Variants in GSTCD observed in about 807,000 individuals in gnomAD.
GSTCD encodes glutathione S-transferase C-terminal domain containing.
Under a neutral mutation model 68.3 loss-of-function variants are expected in GSTCD, and 44 were observed. The observed-to-expected ratio is 0.64, with a 90% CI of 0.51 to 0.83. The LOEUF is 0.83. Among genes scored for constraint, GSTCD ranks in the 40% least tolerant of loss-of-function variants. GSTCD has a pLI of 0.00. For missense variants in GSTCD, 739 were observed against 735.9 expected (o/e 1.00, Z -0.05); for synonymous variants, 273 against 255.2 (o/e 1.07, Z -0.67).
chr4:105,840,101 A>G (rs1724279595), intron 10 of GSTCD: 1 of 405,528 alleles, frequency 2.5e-6, no homozygotes. Context: ...TTGCCCTTTC[A>G]GAACTTGATT....
At chr4:105,803,918 G>T (rs1049097713) in intron 5 of GSTCD, among the ~76,000 whole-genome samples, 1 of 151,978 alleles carries the variant, frequency 6.6e-6, no homozygotes, top group Non-Finnish European at 1.5e-5. Flanking sequence ...GTTATTTCAG[G>T]GCTGGGAAAG....
At chr4:105,761,153 G>A (rs561262757) in intron 5 of GSTCD, 19 of 181,352 alleles carry the variant, frequency 1.0e-4, no homozygotes, top group Admixed American at 5.0e-4. Context: ...ATAGGAGCCC[G>A]CCACCATATC....
intron 7 of GSTCD, among the ~76,000 whole-genome samples, chr4:105,824,279 G>A (rs1409307766): frequency 1.3e-5 from 2 of 152,124 alleles, no homozygotes; most frequent in Non-Finnish European, 2.9e-5. Flanking sequence ...TGGGAGAAGA[G>A]GCAGTTGTTT....
At chr4:105,777,298 A>G (rs1325519169) in intron 5 of GSTCD, among the ~76,000 whole-genome samples, 1 of 152,190 alleles carries the variant, frequency 6.6e-6, no homozygotes, top group Non-Finnish European at 1.5e-5. Context: ...GTGTGTGTAT[A>G]TATATATATG....
At chr4:105,820,270 A>G (rs1304014520) in intron 5 of GSTCD, among the ~76,000 whole-genome samples, 1 of 151,766 alleles carries the variant, frequency 6.6e-6, no homozygotes, top group Non-Finnish European at 1.5e-5. Context: ...GAAGTGTCTA[A>G]TCAAGTACCT....
intron 5 of GSTCD, among the ~76,000 whole-genome samples, chr4:105,754,136 A>T (rs940017368): frequency 2.0e-5 from 3 of 152,136 alleles, no homozygotes; most frequent in African/African-American, 7.2e-5. Flanking sequence ...TATACAAGGA[A>T]CTATTTTATT....
At chr4:105,752,125 T>C (rs988838650) in intron 5 of GSTCD, among the ~76,000 whole-genome samples, 5 of 152,158 alleles carry the variant, frequency 3.3e-5, no homozygotes, top group Non-Finnish European at 7.4e-5. Context: ...TGCCACATAA[T>C]GTATGGCTTA....
At chr4:105,730,350 G>T (rs987721599) in intron 5 of GSTCD, among the ~76,000 whole-genome samples, 2 of 152,154 alleles carry the variant, frequency 1.3e-5, no homozygotes, top group Non-Finnish European at 2.9e-5. Context: ...CTAGTTTACA[G>T]TCCCACCAAC....
intron 5 of GSTCD, among the ~76,000 whole-genome samples, chr4:105,738,498 ATTC>A (rs1345058276): frequency 6.6e-6 from 1 of 152,140 alleles, no homozygotes; most frequent in Non-Finnish European, 1.5e-5. Flanking sequence ...TTTTTAACAT[ATTC>A]TTCTAAAGCA....
At chr4:105,792,667 A>G (rs1394759987) in intron 5 of GSTCD, among the ~76,000 whole-genome samples, 1 of 152,114 alleles carries the variant, frequency 6.6e-6, no homozygotes, top group Non-Finnish European at 1.5e-5. Context: ...ATTATAAAGT[A>G]TTAATATCAT....
At chr4:105,790,339 T>A (rs1450460406) in intron 5 of GSTCD, among the ~76,000 whole-genome samples, 2 of 152,076 alleles carry the variant, frequency 1.3e-5, no homozygotes, top group Non-Finnish European at 2.9e-5. Context: ...TAAAGCCAAG[T>A]TAAGAGCATT....
chr4:105,817,989 T>A (rs1361243400), intron 5 of GSTCD, among the ~76,000 whole-genome samples: 1 of 151,944 alleles, frequency 6.6e-6, no homozygotes, highest in South Asian at 2.1e-4. Flanking sequence ...GAAAACTCAT[T>A]CATTAAACTT....
intron 5 of GSTCD, among the ~76,000 whole-genome samples, chr4:105,734,759 AT>A (rs1040066646): frequency 6.6e-6 from 1 of 151,984 alleles, no homozygotes; most frequent in Non-Finnish European, 1.5e-5. Flanking sequence ...AGGTGCTCTG[AT>A]TTTTAGAATT....
chr4:105,732,140 T>A (rs1057386295), intron 5 of GSTCD, among the ~76,000 whole-genome samples: 1 of 152,220 alleles, frequency 6.6e-6, no homozygotes, highest in Admixed American at 6.5e-5. Context: ...TCAGGGATAT[T>A]GGTCTAAAAT....
intron 10 of GSTCD, 119 bp from the exon 11 acceptor site, chr4:105,841,946 T>G (rs536523406): frequency 3.0e-4 from 213 of 717,578 alleles, no homozygotes; most frequent in Non-Finnish European, 4.5e-4. Flanking sequence ...TGTGCAGTAC[T>G]TTATTCAGTT....
chr4:105,776,895 A>G (rs561081159), intron 5 of GSTCD, among the ~76,000 whole-genome samples: 1 of 152,098 alleles, frequency 6.6e-6, no homozygotes, highest in Non-Finnish European at 1.5e-5. Flanking sequence ...TTGTGGGGCC[A>G]TCCATCTCTA....
At chr4:105,760,668 T>A (rs887387870) in intron 5 of GSTCD, among the ~76,000 whole-genome samples, 2 of 152,080 alleles carry the variant, frequency 1.3e-5, no homozygotes, top group Non-Finnish European at 2.9e-5. Context: ...GGAAGAAGAA[T>A]GTAAAGTATC....
intron 5 of GSTCD, among the ~76,000 whole-genome samples, chr4:105,815,565 C>T (rs1722942414): frequency 1.3e-5 from 2 of 152,050 alleles, no homozygotes; most frequent in African/African-American, 4.8e-5. Flanking sequence ...CATTAGAACA[C>T]CATGTGCACA....
intron 5 of GSTCD, among the ~76,000 whole-genome samples, chr4:105,774,570 T>C (rs1261688992): frequency 6.6e-6 from 1 of 152,228 alleles, no homozygotes; most frequent in Non-Finnish European, 1.5e-5. Flanking sequence ...CCTCAGCATT[T>C]GCTTGTCTAT....
Sources: allele counts gnomAD v4.1 joint callset (sites outside exome capture counted in the v4.1 genomes callset), GRCh38; gene constraint gnomAD v4.1.1; transcripts MANE v1.5; gene names NCBI Gene and HGNC (gene_info 2026-07-23, HGNC 2026-07-21).